The following AQP6 variants were observed in gnomAD, a reference collection of about 807,000 sequenced individuals.
The protein encoded by AQP6 is aquaporin 6, also known as aquaporin-6.
AQP6 carries 14 observed loss-of-function variants against 16.3 expected under a neutral mutation model. That is an observed-to-expected ratio of 0.86 (90% CI 0.57 to 1.34). The LOEUF is 1.34. Among genes scored for constraint, AQP6 ranks in the 40% most tolerant of loss-of-function variants. The pLI is 0.00. For synonymous variants in AQP6, 178 were observed against 166.8 expected (o/e 1.07, Z -0.52); for missense variants, 331 against 379.7 (o/e 0.87, Z 1.07).
intron 1 of AQP6, chr12:49,973,852 G>A (rs1465878861): frequency 8.1e-6 from 10 of 1,236,988 alleles, no homozygotes; most frequent in South Asian, 2.4e-5. Context: ...GGGTAGATGC[G>A]GCCAAGGGAG....
chr12:49,976,733 ACT>A lies in AQP6; in HGVS notation c.*1066_*1067del, dbSNP rs1261326066. On this transcript the variant is annotated 3_prime_UTR_variant, in exon 4 of 4. Transcript: ENST00000315520. ...TGCCCCAGCTCCCACCCCACAGCCC[ACT>A]CTCAGGCAGGAACAATCCTCAGAGG... The A allele has an allele frequency of 5.8e-5, 29 of 496,068 alleles. No individual in the cohort carries two copies. In the Admixed American group the frequency reaches 1.1e-3, roughly 19 times the overall value. 30.7% of individuals were successfully genotyped at this position (496,068 alleles called of 1,614,324 possible).
Position 49,973,288 on chromosome 12 carries a change from T to C in AQP6, c.115T>C (p.Phe39Leu), listed in dbSNP as rs765249088. 9 of 1,613,764 alleles carry C rather than the reference T, an allele frequency of 5.6e-6. No homozygotes were observed. In the African/African-American group the frequency reaches 1.2e-4, roughly 22 times the overall value. ...AEFLATGLYV[F>L]FGVGSVMRWP... is the part of the protein sequence containing the mutation. Reference sequence around the variant, plus strand: ...GTTCCTGGCCACGGGGCTGTATGTGTTCTTTGGCGTGGGCTCAGTCATGCG... The same window carrying C: ...GTTCCTGGCCACGGGGCTGTATGTGCTCTTTGGCGTGGGCTCAGTCATGCG... The change falls in exon 1 of 4, where the codon TTC becomes CTC. Residue 39 changes from phenylalanine to leucine, a missense_variant. Transcript: ENST00000315520.
chr12:49,973,459 T>C lies in AQP6; in HGVS notation c.286T>C (p.Ser96Pro). The C allele has an allele frequency of 6.2e-7, 1 of 1,613,742 alleles. No homozygotes were observed. Among genetic ancestry groups the C allele is most frequent in the Non-Finnish European group, 8.5e-7 (1 of 1,180,024 alleles). ...GGCCTTCCTCGTAGGCTCCCACATC[T>C]CTCTGCCCCGTGCTGTGGCCTATGT... is the stretch of plus-strand genomic sequence containing the variant. ...TLAFLVGSHI[S>P]LPRAVAYVAA... The change falls in exon 1 of 4, where the codon TCT becomes CCT. Residue 96 changes from serine (S) to proline (P), a missense_variant. Physicochemically the swap from Ser to Pro is moderately conservative, Grantham distance 74. Coordinates refer to ENST00000315520, the MANE Select transcript of AQP6 (RefSeq NM_001652.4).
chr12:49,973,803 C>T, intron 1 of AQP6: 2 of 1,101,452 alleles, frequency 1.8e-6, no homozygotes, highest in Non-Finnish European at 2.5e-6. Flanking sequence ...AAGGAAGAGG[C>T]CACATAAAGG....
intron 1 of AQP6, 61 bp from the exon 2 acceptor site, chr12:49,974,263 G>A (rs1947553634): frequency 5.5e-6 from 8 of 1,460,098 alleles, no homozygotes; most frequent in Non-Finnish European, 7.3e-6. Flanking sequence ...AGTGGCAGGG[G>A]TTTCTCTGTC....
chr12:49,976,985 CA>C lies in AQP6; in HGVS notation c.*1315del, dbSNP rs1565645667. The C allele has an allele frequency of 1.4e-6, 1 of 702,334 alleles. No individual in the cohort carries two copies. Among genetic ancestry groups the C allele is most frequent in the East Asian group, 2.7e-5 (1 of 37,290 alleles). The allele number at this position is 702,334 out of a possible 1,614,324, so 43.5% of individuals were successfully genotyped here. On this transcript the variant is annotated 3_prime_UTR_variant, in exon 4 of 4. Coordinates refer to ENST00000315520, the MANE Select transcript of AQP6 (RefSeq NM_001652.4). Reference sequence around the variant, plus strand: ...AAAGCTGCTGTAGATTTATTCTGCCCACAACTTGGGGGTCCTTTCTGGATCT... The same window carrying C: ...AAAGCTGCTGTAGATTTATTCTGCCCCAACTTGGGGGTCCTTTCTGGATCT...
chr12:49,974,164 G>T (rs1947552368), intron 1 of AQP6, 160 bp from the exon 2 acceptor site: 2 of 1,357,816 alleles, frequency 1.5e-6, no homozygotes, highest in Non-Finnish European at 1.9e-6. Flanking sequence ...GTCCAGAGCA[G>T]ATATGGACCC....
chr12:49,974,504 G>T, intron 2 of AQP6, 22 bp downstream of exon 2: 1 of 1,586,852 alleles, frequency 6.3e-7, no homozygotes. Context: ...AGGGGACACC[G>T]TGCACATGCA....
chr12:49,974,597 C>T, intron 2 of AQP6, 115 bp downstream of exon 2: 1 of 1,422,286 alleles, frequency 7.0e-7, no homozygotes, highest in Non-Finnish European at 9.5e-7. Flanking sequence ...GCCTTGGAGC[C>T]AAAGTGGTAC....
rs989418350 is a variant in AQP6 at position 49,973,498 on chromosome 12, G to A, written c.325G>A (p.Val109Met). 1.3e-5 allele frequency: 21 copies of A among 1,613,664 alleles called. No individual in the cohort carries two copies. Among genetic ancestry groups the A allele is most frequent in the Admixed American group, 1.7e-5 (1 of 59,994 alleles). The change falls in exon 1 of 4, where the codon GTG becomes ATG. Residue 109 changes from valine (V) to methionine (M), a missense_variant. Val to Met is a conservative substitution (Grantham distance 21, BLOSUM62 1). Transcript: ENST00000315520. ...RAVAYVAAQLVGATVGAALLY... is the reference protein window; with the variant it reads ...RAVAYVAAQLMGATVGAALLY... ...TGTGGCCTATGTGGCTGCCCAGCTGGTGGGGGCCACGGTGGGGGCTGCTCT... is the reference window on the plus strand; with the variant it reads ...TGTGGCCTATGTGGCTGCCCAGCTGATGGGGGCCACGGTGGGGGCTGCTCT...
chr12:49,974,835 C>G lies in AQP6; in HGVS notation c.642+9C>G. 1.9e-6 allele frequency: 3 copies of G among 1,614,094 alleles called. No homozygotes were observed. The highest frequency in any genetic ancestry group is 2.5e-6 in the Non-Finnish European group (3 of 1,179,936). Reference sequence around the variant, plus strand: ...AGTTCACAGTCCACTGGGTGAGCCCCTCTGCTGGCAGCCCTGGGGAGGGAA... The same window carrying G: ...AGTTCACAGTCCACTGGGTGAGCCCGTCTGCTGGCAGCCCTGGGGAGGGAA... On this transcript the variant is annotated intron_variant, in intron 3 of 3. Coordinates refer to ENST00000315520, the MANE Select transcript of AQP6 (RefSeq NM_001652.4).
chr12:49,973,556 A>G lies in AQP6; in HGVS notation c.383A>G (p.Glu128Gly), dbSNP rs1947546692. The change falls in exon 1 of 4, where the codon GAG becomes GGG. Residue 128 changes from glutamate to glycine, a missense_variant. Transcript: ENST00000315520. ...GGGGTCATGCCGGGAGACATCCGAG[A>G]GACCCTTGGGATCAACGTGGTAGGT... Reference protein sequence around the residue: ...LYGVMPGDIRETLGINVVRNS... With the variant: ...LYGVMPGDIRGTLGINVVRNS... The G allele has an allele frequency of 6.2e-7, 1 of 1,607,690 alleles. No individual in the cohort carries two copies. Among genetic ancestry groups the G allele is most frequent in the Admixed American group, 1.7e-5 (1 of 58,898 alleles).
In AQP6 at chr12:49,975,750, A is replaced by AG. The variant is rs997657887; in HGVS notation, c.*84dup. 1.4e-5 allele frequency: 12 copies of AG among 862,956 alleles called. No individual in the cohort carries two copies. The African/African-American group carries it at 1.8e-4, about 13-fold the overall frequency. The allele number at this position is 862,956 out of a possible 1,614,324, so 53.5% of individuals were successfully genotyped here. Reference sequence around the variant, plus strand: ...GGAGGTTCTCCCTGGGGGTGGCGGGAGGGGGAGGCTTGACCTTTTGTCCTG... The same window carrying AG: ...GGAGGTTCTCCCTGGGGGTGGCGGGAGGGGGGAGGCTTGACCTTTTGTCCTG... On this transcript the variant is annotated 3_prime_UTR_variant, in exon 4 of 4. Transcript: ENST00000315520. This position sits in a 1 kb window ranked among gnomAD's most constrained non-coding sequence, Gnocchi z 4.4.
In AQP6 at chr12:49,974,392, CTG is replaced by C. The variant is rs747057944; in HGVS notation, c.475_476del (p.Val159LeufsTer155). The C allele has an allele frequency of 6.2e-7, 1 of 1,613,898 alleles. No individual in the cohort carries two copies. Among genetic ancestry groups the C allele is most frequent in the Non-Finnish European group, 8.5e-7 (1 of 1,179,868 alleles). Reference protein sequence around the residue: ...ELLLTLQLVLCVFASTDSRQT... With the variant: ...ELLLTLQLVLXVFASTDSRQT... ...TGCTTCTGACCCTGCAGCTGGTGCT[CTG>C]TGTCTTCGCTTCCACCGACAGCCGT... is the stretch of plus-strand genomic sequence containing the variant. On this transcript the variant is annotated frameshift_variant, in exon 2 of 4. Transcript: ENST00000315520. LOFTEE classifies it high-confidence loss of function.
Position 49,973,525 on chromosome 12 carries a change from C to T in AQP6, c.352C>T (p.Leu118Phe). The T allele has an allele frequency of 6.2e-7, 1 of 1,613,300 alleles. No homozygotes were observed. ...GGGGGCCACGGTGGGGGCTGCTCTG[C>T]TTTATGGGGTCATGCCGGGAGACAT... ...LVGATVGAAL[L>F]YGVMPGDIRE... is the part of the protein sequence containing the mutation. Residue 118 changes from leucine to phenylalanine, a missense_variant, in exon 1 of 4, where the codon CTT becomes TTT. By Grantham distance (22) the Leu-to-Phe change is conservative (BLOSUM62 0). Coordinates refer to ENST00000315520, the MANE Select transcript of AQP6 (RefSeq NM_001652.4).
rs775780282 is a variant in AQP6, at chr12:49,974,192, G to T, written c.403-132G>T. 3.6e-6 allele frequency: 5 copies of T among 1,407,458 alleles called. No individual in the cohort carries two copies. The East Asian group carries it at 9.8e-5, about 27-fold the overall frequency. The allele number at this position is 1,407,458 out of a possible 1,614,324, so 87.2% of individuals were successfully genotyped here. On this transcript the variant is annotated intron_variant, in intron 1 of 3. Coordinates refer to ENST00000315520, the MANE Select transcript of AQP6 (RefSeq NM_001652.4). ...ATGGACCCCTCTGCACAGGCCTCCC[G>T]AAGTCCTGAAGCTGGGCGGCAGTGA...
At position 49,975,453 on chromosome 12, in the gene AQP6, C is replaced by T; in HGVS notation, c.643-12C>T. 1 of 1,580,874 alleles carries T rather than the reference C, an allele frequency of 6.3e-7. No homozygotes were observed. The highest frequency in any genetic ancestry group is 8.6e-7 in the Non-Finnish European group (1 of 1,167,588). On this transcript the variant is annotated splice_polypyrimidine_tract_variant and intron_variant, in intron 3 of 3. Coordinates refer to ENST00000315520, the MANE Select transcript of AQP6 (RefSeq NM_001652.4). This position sits in a 1 kb window ranked among gnomAD's most constrained non-coding sequence, Gnocchi z 4.4. ...TAGCTCCTGGGTGGGGTGACGACAT[C>T]CTTCTCCTCAGGTCTTCTGGGTGGG... is the stretch of plus-strand genomic sequence containing the variant.
In AQP6 at chr12:49,975,426, G is replaced by C. The variant is rs767779007; in HGVS notation, c.643-39G>C. The C allele has an allele frequency of 6.4e-7, 1 of 1,550,754 alleles. No individual in the cohort carries two copies. The highest frequency in any genetic ancestry group is 8.7e-7 in the Non-Finnish European group (1 of 1,153,806). ...GGTCCCAGAGCCACCCTGTGGTCCT[G>C]ATAGCTCCTGGGTGGGGTGACGACA... On this transcript the variant is annotated intron_variant, in intron 3 of 3. Transcript: ENST00000315520. The surrounding 1 kb of genome is among the most constrained non-coding windows in gnomAD (Gnocchi z 4.4).
Position 49,975,169 on chromosome 12 carries a change from A to C in AQP6, c.643-296A>C. ...ACAGCAATAGCCAGGACTCCTGGCT[A>C]AAACGGGGGAAGTGAGAGGAAAGAG... On this transcript the variant is annotated intron_variant, in intron 3 of 3. Transcript: ENST00000315520. The surrounding 1 kb of genome is among the most constrained non-coding windows in gnomAD (Gnocchi z 4.4). 7.8e-7 allele frequency: 1 copy of C among 1,287,704 alleles called. No homozygotes were observed. 79.8% of individuals were successfully genotyped at this position (1,287,704 alleles called of 1,614,324 possible).
Sources: allele counts gnomAD v4.1 joint callset, GRCh38; gene constraint gnomAD v4.1.1; non-coding constraint Gnocchi (gnomAD v3.1); transcripts MANE v1.5; gene names NCBI Gene and HGNC (gene_info 2026-07-23, HGNC 2026-07-21).